Variants in LCORL observed in about 807,000 individuals in gnomAD.
LCORL encodes ligand-dependent nuclear receptor corepressor-like protein.
Under a neutral mutation model 141.8 loss-of-function variants are expected in LCORL, and 41 were observed. The observed-to-expected ratio is 0.29, with a 90% CI of 0.23 to 0.38. LCORL has a LOEUF of 0.38. LCORL is among the 10% of genes least tolerant of loss of function. The pLI is 1.00. For missense variants in LCORL, 1,759 were observed against 2,035.0 expected (o/e 0.86, Z 2.61); for synonymous variants, 618 against 694.1 (o/e 0.89, Z 1.72).
chr4:17,966,392 T>C (rs557451326), intron 2 of LCORL, among the ~76,000 whole-genome samples: 1 of 152,244 alleles, frequency 6.6e-6, no homozygotes, highest in African/African-American at 2.4e-5. Flanking sequence ...TGCTCACAAA[T>C]TTGATAACTT....
intron 4 of LCORL, among the ~76,000 whole-genome samples, chr4:17,939,531 C>T (rs562841324): frequency 2.0e-5 from 3 of 152,028 alleles, no homozygotes; most frequent in Non-Finnish European, 4.4e-5. Flanking sequence ...TCATAGCAGC[C>T]TCATTAATAA....
chr4:17,907,649 G>T (rs1731850418), intron 5 of LCORL, among the ~76,000 whole-genome samples: 1 of 151,072 alleles, frequency 6.6e-6, no homozygotes, highest in South Asian at 2.1e-4. Context: ...CCCTTTGATT[G>T]TGAGGATTTT....
At chr4:17,911,753 G>A (rs994863715) in intron 4 of LCORL, 1 of 465,280 alleles carries the variant, frequency 2.1e-6, no homozygotes, top group South Asian at 1.7e-5. Flanking sequence ...TATGGTGCCT[G>A]GCTGGTCAGC....
At chr4:17,851,260 C>T (rs866122355) in intron 7 of LCORL, among the ~76,000 whole-genome samples, 3 of 151,630 alleles carry the variant, frequency 2.0e-5, no homozygotes, top group Non-Finnish European at 4.4e-5. Context: ...CACATGTACC[C>T]TAAAACTTAA....
chr4:17,845,524 T>A lies in LCORL; in HGVS notation c.*364A>T, dbSNP rs571410060. ...TAAAAGAGAAACATCAAAATCCGTT[T>A]ACAAAATTCCACAATGATCTGATGT... is the stretch of plus-strand genomic sequence containing the variant. On this transcript the variant is annotated 3_prime_UTR_variant, in exon 8 of 8. Coordinates refer to ENST00000635767, the Ensembl canonical transcript of LCORL. 17 of 422,498 alleles carry A rather than the reference T, an allele frequency of 4.0e-5. No individual in the cohort carries two copies. The East Asian group carries it at 6.1e-4, about 15-fold the overall frequency. 26.2% of individuals were successfully genotyped at this position (422,498 alleles called of 1,614,324 possible).
exon 7 of LCORL, chr4:17,877,216 C>A: frequency 8.1e-7 from 1 of 1,230,214 alleles, no homozygotes; most frequent in Non-Finnish European, 1.0e-6. Context: ...ACCTTTTTAT[C>A]ATGTTGACTC....
intron 1 of LCORL, among the ~76,000 whole-genome samples, chr4:18,009,051 G>A (rs1723255142): frequency 6.6e-6 from 1 of 151,908 alleles, no homozygotes; most frequent in Non-Finnish European, 1.5e-5. Flanking sequence ...TATGCTCACT[G>A]CTACCGTACT....
Position 18,021,847 on chromosome 4 carries a change from C to T in LCORL, c.-96G>A. On this transcript the variant is annotated 5_prime_UTR_variant, in exon 1 of 8. Transcript: ENST00000635767. This position sits in a 1 kb window ranked among gnomAD's most constrained non-coding sequence, Gnocchi z 5.5. ...GGCGCGAGCCCCGGAGCGCGCGCCC[C>T]CCGGAGGGGGGTTGATTGACACGTG... 7.4e-7 allele frequency: 1 copy of T among 1,358,786 alleles called. No homozygotes were observed. The highest frequency in any genetic ancestry group is 9.5e-7 in the Non-Finnish European group (1 of 1,049,728). The allele number at this position is 1,358,786 out of a possible 1,614,324, so 84.2% of individuals were successfully genotyped here. A position where few individuals can be genotyped will look rare whatever the true frequency, so the allele number is the denominator to read the frequency against.
At chr4:18,014,734 G>T (rs1465434971) in intron 1 of LCORL, among the ~76,000 whole-genome samples, 1 of 152,158 alleles carries the variant, frequency 6.6e-6, no homozygotes. Context: ...GAACAAAGTG[G>T]TATTCTTCAA....
intron 1 of LCORL, among the ~76,000 whole-genome samples, chr4:18,009,559 A>G (rs1723355366): frequency 1.3e-5 from 2 of 152,046 alleles, no homozygotes; most frequent in East Asian, 1.9e-4. Flanking sequence ...ACCTCTATGT[A>G]TGGACTCCCT....
rs1034138899 is a variant in LCORL at position 17,874,066 on chromosome 4, C to T, written c.4924G>A (p.Gly1642Arg). 3.5e-5 allele frequency: 43 copies of T among 1,233,602 alleles called. No homozygotes were observed. The East Asian group carries it at 1.3e-3, about 37-fold the overall frequency. 76.4% of individuals were successfully genotyped at this position (1,233,602 alleles called of 1,614,324 possible). A position where few individuals can be genotyped will look rare whatever the true frequency, so the allele number is the denominator to read the frequency against. Residue 1642 changes from glycine to arginine, a missense_variant, in exon 7 of 8, where the codon GGA becomes AGA. Around this residue, in one of 5 missense-constraint regions of LCORL, gnomAD observed 313 missense variants for 336.1 expected, o/e 0.93. Transcript: ENST00000635767. ...AGTGGGATGTCAGCATTTGTTTCTCCCTCAGTCTTATTTAAAAATTGGTTC... is the reference window on the plus strand; with the variant it reads ...AGTGGGATGTCAGCATTTGTTTCTCTCTCAGTCTTATTTAAAAATTGGTTC...
chr4:17,936,596 A>C (rs1736902529), intron 4 of LCORL, among the ~76,000 whole-genome samples: 1 of 152,190 alleles, frequency 6.6e-6, no homozygotes, highest in South Asian at 2.1e-4. Context: ...ATAGCAATGG[A>C]TATTGCAGAA....
Position 17,884,079 on chromosome 4 carries a change from G to A in LCORL, c.776+1989C>T. On this transcript the variant is annotated intron_variant, in intron 6 of 7. Transcript: ENST00000635767. The surrounding 1 kb of genome is among the most constrained non-coding windows in gnomAD (Gnocchi z 4.4). Reference sequence around the variant, plus strand: ...TTAGAATTAAGACACAAAGGAGAGAGGTCCCCATGTAGAAAGTAAGAGTCA... The same window carrying A: ...TTAGAATTAAGACACAAAGGAGAGAAGTCCCCATGTAGAAAGTAAGAGTCA... 6.4e-7 allele frequency: 1 copy of A among 1,550,622 alleles called. No homozygotes were observed. Among genetic ancestry groups the A allele is most frequent in the Non-Finnish European group, 8.7e-7 (1 of 1,146,300 alleles).
At chr4:17,939,952 C>T (rs921302340) in intron 4 of LCORL, among the ~76,000 whole-genome samples, 1 of 149,286 alleles carries the variant, frequency 6.7e-6, no homozygotes, top group South Asian at 2.1e-4. Flanking sequence ...TATTCATATA[C>T]TATATACGCA....
At chr4:17,972,702 T>C (rs1469956605) in intron 2 of LCORL, 118 bp downstream of exon 2, 4 of 375,514 alleles carry the variant, frequency 1.1e-5, no homozygotes, top group Admixed American at 4.6e-5. Flanking sequence ...TTAAAATATT[T>C]TCTAATTAAA....
chr4:17,948,549 T>A (rs34934312), intron 4 of LCORL, among the ~76,000 whole-genome samples: 36,097 of 151,872 alleles, frequency 0.24, 5,475 homozygotes, highest in African/African-American at 0.43. Context: ...ATCTGGAAGT[T>A]GATAACCTAG....
At chr4:18,010,742 G>A (rs952036557) in intron 1 of LCORL, among the ~76,000 whole-genome samples, 4 of 152,044 alleles carry the variant, frequency 2.6e-5, no homozygotes, top group South Asian at 4.1e-4. Context: ...GTGAGCCACC[G>A]GGCCCGGCCA....
chr4:17,939,649 G>A (rs2109466935), intron 4 of LCORL, among the ~76,000 whole-genome samples: 1 of 152,078 alleles, frequency 6.6e-6, no homozygotes, highest in Middle Eastern at 3.4e-3. Context: ...AGTGTCAATG[G>A]CACTAATTAA....
intron 1 of LCORL, among the ~76,000 whole-genome samples, chr4:17,993,521 C>A (rs1720397864): frequency 6.6e-6 from 1 of 151,712 alleles, no homozygotes; most frequent in Non-Finnish European, 1.5e-5. Context: ...AATTTAAATA[C>A]CTATGTCTAC....
Sources: gnomAD v4.1 joint callset for allele counts (sites outside exome capture counted in the v4.1 genomes callset) on GRCh38, gnomAD v4.1.1 for gene constraint, gnomAD v4.1.1 regional missense constraint, Gnocchi (gnomAD v3.1) non-coding constraint, MANE v1.5 for transcripts, NCBI Gene and HGNC (gene_info 2026-07-23, HGNC 2026-07-21) for gene names.